The following MAF variants were observed in gnomAD, a reference collection of about 807,000 sequenced individuals.
MAF encodes the protein transcription factor Maf.
In MAF, 10 loss-of-function variants were observed where a neutral mutation model predicts 22.0. That is an observed-to-expected ratio of 0.45 (90% CI 0.28 to 0.77). The LOEUF is 0.77. Among genes scored for constraint, MAF ranks in the 30% least tolerant of loss-of-function variants. The pLI, the probability that MAF is intolerant of heterozygous loss-of-function variation, is 0.12. For synonymous variants in MAF, 337 were observed against 255.8 expected, an observed-to-expected ratio of 1.32 and a Z score of -3.03; for missense variants, 544 against 548.4, an observed-to-expected ratio of 0.99 and a Z score of 0.08.
chr16:79,518,281 C>T, the MAF span, among the ~76,000 whole-genome samples: 1 of 152,194 alleles, frequency 6.6e-6, no homozygotes, highest in African/African-American at 2.4e-5. Flanking sequence ...CTGGCAAAGA[C>T]ATCTTGCCTG....
At chr16:79,394,706 C>T in the MAF span, among the ~76,000 whole-genome samples, 1 of 152,132 alleles carries the variant, frequency 6.6e-6, no homozygotes, top group East Asian at 1.9e-4. Context: ...CGCTGGGGCA[C>T]CTTTAAAACA....
At chr16:79,323,839 T>C in the MAF span, among the ~76,000 whole-genome samples, 3 of 152,194 alleles carry the variant, frequency 2.0e-5, no homozygotes, top group African/African-American at 7.2e-5. Context: ...GTAGAAGTGA[T>C]ATGACCTTGG....
chr16:79,255,232 C>G, the MAF span, among the ~76,000 whole-genome samples: 1 of 152,230 alleles, frequency 6.6e-6, no homozygotes, highest in African/African-American at 2.4e-5. Context: ...TAACTTCAGT[C>G]CAGGAATGGT....
the MAF span, among the ~76,000 whole-genome samples, chr16:79,472,577 C>T: frequency 6.6e-6 from 1 of 152,022 alleles, no homozygotes. Context: ...CAAATTTATA[C>T]AGACAGGAAG....
the MAF span, among the ~76,000 whole-genome samples, chr16:79,440,012 G>T: frequency 1.3e-5 from 2 of 152,234 alleles, no homozygotes; most frequent in Non-Finnish European, 2.9e-5. Context: ...ACAGTCTGGA[G>T]AACAGACAGG....
the MAF span, among the ~76,000 whole-genome samples, chr16:79,301,401 T>C: frequency 2.6e-5 from 4 of 152,132 alleles, no homozygotes; most frequent in East Asian, 7.7e-4. Context: ...GCTCTTGTTA[T>C]ACAACTTAAG....
At chr16:79,275,854 A>C in the MAF span, among the ~76,000 whole-genome samples, 1 of 152,286 alleles carries the variant, frequency 6.6e-6, no homozygotes, top group East Asian at 1.9e-4. Flanking sequence ...GATTTGAAAC[A>C]GGCCAGGCAG....
the MAF span, among the ~76,000 whole-genome samples, chr16:79,399,821 ATGTGTGCCT>A: frequency 6.6e-6 from 1 of 152,186 alleles, no homozygotes; most frequent in Non-Finnish European, 1.5e-5. Flanking sequence ...GATGGTGCCA[ATGTGTGCCT>A]GTATCCTTAC....
At chr16:79,312,078 CCTTCCCTCCTTT>C in the MAF span, among the ~76,000 whole-genome samples, 98 of 152,254 alleles carry the variant, frequency 6.4e-4, no homozygotes, top group Non-Finnish European at 1.2e-3. Flanking sequence ...TTCTCTGCCT[CCTTCCCTCCTTT>C]CTTCCCTTGA....
chr16:79,544,360 A>T, the MAF span, among the ~76,000 whole-genome samples: 2 of 152,192 alleles, frequency 1.3e-5, no homozygotes, highest in Non-Finnish European at 2.9e-5. Context: ...ACAGATCTAG[A>T]AGAGTCCATC....
At chr16:79,328,003 C>T in the MAF span, among the ~76,000 whole-genome samples, 2 of 152,162 alleles carry the variant, frequency 1.3e-5, no homozygotes, top group South Asian at 4.1e-4. Flanking sequence ...CCTGAAATTC[C>T]CTTGAGCCTC....
At chr16:79,293,571 G>A in the MAF span, among the ~76,000 whole-genome samples, 483 of 152,280 alleles carry the variant, frequency 3.2e-3, 6 homozygotes, top group African/African-American at 0.011. Flanking sequence ...CCACATCACA[G>A]AGCTAGGAAA....
chr16:79,379,073 T>C, the MAF span, among the ~76,000 whole-genome samples: 2 of 152,246 alleles, frequency 1.3e-5, no homozygotes, highest in East Asian at 1.9e-4. Context: ...TTTTTAAAGA[T>C]CAAGAGTCAG....
the MAF span, among the ~76,000 whole-genome samples, chr16:79,566,463 C>T: frequency 6.6e-6 from 1 of 152,194 alleles, no homozygotes; most frequent in African/African-American, 2.4e-5. Flanking sequence ...AGTGATGGTG[C>T]TTCTGGGAAG....
the MAF span, among the ~76,000 whole-genome samples, chr16:79,401,362 C>G: frequency 6.6e-6 from 1 of 152,270 alleles, no homozygotes; most frequent in South Asian, 2.1e-4. Flanking sequence ...TCCTAGACCC[C>G]ATGAACGGTC....
chr16:79,236,532 C>T, the MAF span, among the ~76,000 whole-genome samples: 1 of 152,048 alleles, frequency 6.6e-6, no homozygotes. Flanking sequence ...CTCATTCATC[C>T]ATGAGATCTT....
chr16:79,417,950 G>A, the MAF span, among the ~76,000 whole-genome samples: 1 of 152,120 alleles, frequency 6.6e-6, no homozygotes, highest in East Asian at 1.9e-4. Context: ...TCACCCCGGA[G>A]AGTTTCCCCC....
At chr16:79,398,676 T>C in the MAF span, among the ~76,000 whole-genome samples, 1 of 148,700 alleles carries the variant, frequency 6.7e-6, no homozygotes, top group Non-Finnish European at 1.5e-5. Context: ...CACAAGGCTC[T>C]CTGAGGTCCC....
the MAF span, among the ~76,000 whole-genome samples, chr16:79,364,632 ATTGAACAG>A: frequency 1.3e-5 from 2 of 152,206 alleles, no homozygotes; most frequent in Non-Finnish European, 2.9e-5. Flanking sequence ...CATGCTCCCA[ATTGAACAG>A]TTTCGTGGTG....
Sources: gnomAD v4.1 joint callset for allele counts (sites outside exome capture counted in the v4.1 genomes callset) on GRCh38, gnomAD v4.1.1 for gene constraint, MANE v1.5 for transcripts, NCBI Gene and HGNC (gene_info 2026-07-23, HGNC 2026-07-21) for gene names.